Variants in MSTO1 observed in about 807,000 individuals in gnomAD.
MSTO1 encodes misato mitochondrial distribution and morphology regulator 1.
In MSTO1, 24 loss-of-function variants were observed where a neutral mutation model predicts 55.7. The observed-to-expected ratio is 0.43, with a 90% CI of 0.31 to 0.61. The LOEUF (loss-of-function observed/expected upper bound fraction) is 0.61, where lower values mean the gene tolerates loss of function less well. MSTO1 is among the 20% of genes least tolerant of loss of function. The pLI is 0.09. For synonymous variants in MSTO1, 162 were observed against 252.8 expected (o/e 0.64, Z 3.41); for missense variants, 363 against 625.7 (o/e 0.58, Z 4.48).
upstream of MSTO1, among the ~76,000 whole-genome samples, chr1:155,606,367 A>AAC (rs1016643320): frequency 2.7e-5 from 4 of 146,340 alleles, no homozygotes; most frequent in Admixed American, 6.9e-5. Flanking sequence ...GCCAAGATAC[A>AAC]ACTTTTTTTT....
At chr1:155,609,909 G>C (rs565175752), upstream of MSTO1, 4 of 328,956 alleles carry the variant, frequency 1.2e-5, no homozygotes, top group African/African-American at 4.4e-5. Context: ...GAAGGGATAA[G>C]ACCTCAAGAC....
At chr1:155,590,904 G>C in the MSTO1 span, 2 of 1,612,928 alleles carry the variant, frequency 1.2e-6, no homozygotes, top group African/African-American at 2.7e-5. Context: ...CAATCCCAGA[G>C]GTGAGCACCA....
At chr1:155,581,773 T>C in the MSTO1 span, among the ~76,000 whole-genome samples, 1,065 of 151,834 alleles carry the variant, frequency 7.0e-3, 3 homozygotes, top group Admixed American at 9.0e-3. Flanking sequence ...GAGATAATTA[T>C]CATTCATCTT....
the MSTO1 span, among the ~76,000 whole-genome samples, chr1:155,564,893 G>A: frequency 2.4e-4 from 36 of 152,214 alleles, no homozygotes; most frequent in African/African-American, 8.4e-4. Flanking sequence ...AGGCCAAGGC[G>A]CATGGATCAC....
At chr1:155,593,028 C>G in the MSTO1 span, among the ~76,000 whole-genome samples, 14 of 152,146 alleles carry the variant, frequency 9.2e-5, no homozygotes, top group Non-Finnish European at 1.5e-4. Flanking sequence ...TCTTCTGCCT[C>G]AGGCTCCCCA....
At chr1:155,611,409 A>G (rs1205035024) in intron 4 of MSTO1, 118 bp downstream of exon 4, 1 of 1,597,296 alleles carries the variant, frequency 6.3e-7, no homozygotes, top group Non-Finnish European at 8.5e-7. Context: ...TTTGGGAAAA[A>G]GCACTCCTTT....
the MSTO1 span, among the ~76,000 whole-genome samples, chr1:155,596,740 T>A: frequency 3.9e-5 from 6 of 152,076 alleles, no homozygotes; most frequent in Non-Finnish European, 7.4e-5. Context: ...TCAGCTGAGA[T>A]TGGGCCACTG....
chr1:155,586,310 T>C, the MSTO1 span, among the ~76,000 whole-genome samples: 1 of 151,808 alleles, frequency 6.6e-6, no homozygotes, highest in Admixed American at 6.6e-5. Flanking sequence ...CCCTAAGTGC[T>C]GGGATTACAG....
At chr1:155,605,018 T>C in the MSTO1 span, among the ~76,000 whole-genome samples, 3 of 152,182 alleles carry the variant, frequency 2.0e-5, no homozygotes, top group African/African-American at 7.2e-5. Context: ...CCCAGCACTT[T>C]GGGAGGCTGA....
chr1:155,577,597 C>T, the MSTO1 span, among the ~76,000 whole-genome samples: 302 of 152,244 alleles, frequency 2.0e-3, 1 homozygote, highest in Non-Finnish European at 3.6e-3. Context: ...ATGATGTAAG[C>T]GTATGCCAGT....
rs187308919 is a variant in MSTO1, at chr1:155,614,855, G to T, written c.*582G>T. 5 of 1,579,218 alleles carry T rather than the reference G, an allele frequency of 3.2e-6. No individual in the cohort carries two copies. Among genetic ancestry groups the T allele is most frequent in the Non-Finnish European group, 4.3e-6 (5 of 1,161,696 alleles). On this transcript the variant is annotated 3_prime_UTR_variant, in exon 14 of 14. Transcript: ENST00000245564. ...GTGTGGAAGAGCTGCATGAGTTCTC[G>T]AAAATGGTGGGAAACCTAAGAAAGG...
chr1:155,590,552 C>A, the MSTO1 span: 1 of 937,468 alleles, frequency 1.1e-6, no homozygotes, highest in East Asian at 2.4e-5. Flanking sequence ...TTGGGCACTG[C>A]CACTTCTGGA....
rs1479405409 is a variant in MSTO1, at chr1:155,613,755, C to T, written c.1487C>T (p.Pro496Leu). ...SPPGMVLDGS[P>L]KGAAVESIPV... ...CCGGGTATGGTTCTGGATGGTTCCC[C>T]CAAGGGAGCAGGTATGTAGGAGGTG... is the stretch of plus-strand genomic sequence containing the variant. Residue 496 changes from proline to leucine, a missense_variant, in exon 13 of 14, where the codon CCC becomes CTC. Pro to Leu is a moderately conservative substitution (Grantham distance 98). Coordinates refer to ENST00000245564, the MANE Select transcript of MSTO1 (RefSeq NM_018116.4). 48 of 1,611,812 alleles carry T rather than the reference C, an allele frequency of 3.0e-5. No individual in the cohort carries two copies. The highest frequency in any genetic ancestry group is 3.7e-5 in the Non-Finnish European group (44 of 1,178,818).
chr1:155,612,204 T>C lies in MSTO1; in HGVS notation c.701T>C (p.Leu234Pro), dbSNP rs1277146235. 1 of 1,613,268 alleles carries C rather than the reference T, an allele frequency of 6.2e-7. No homozygotes were observed. The highest frequency in any genetic ancestry group is 1.7e-5 in the Admixed American group (1 of 59,928). The part of the protein sequence containing the change: ...YLQGFQILCD[L>P]HDGFSGVGAK... Reference sequence around the variant, plus strand: ...CAGGGCTTCCAGATCCTGTGTGACCTGCACGATGGCTTCTCTGGGGTAGGC... The same window carrying C: ...CAGGGCTTCCAGATCCTGTGTGACCCGCACGATGGCTTCTCTGGGGTAGGC... Residue 234 changes from leucine (L) to proline (P), a missense_variant, in exon 8 of 14, where the codon CTG becomes CCG. Physicochemically the swap from Leu to Pro is moderately conservative, Grantham distance 98. Around this residue, in one of 3 missense-constraint regions of MSTO1, gnomAD observed 231 missense variants for 286.9 expected, o/e 0.81. Transcript: ENST00000245564.
the MSTO1 span, among the ~76,000 whole-genome samples, chr1:155,591,993 AC>A: frequency 6.6e-6 from 1 of 152,020 alleles, no homozygotes; most frequent in African/African-American, 2.4e-5. Context: ...AAATAGCACC[AC>A]CTTGTGGCCC....
At chr1:155,610,390 T>G in intron 1 of MSTO1, 35 bp from the exon 2 acceptor site, 1 of 812,356 alleles carries the variant, frequency 1.2e-6, no homozygotes. Flanking sequence ...GTCCCGACGT[T>G]CAGCCGGCCT....
the MSTO1 span, among the ~76,000 whole-genome samples, chr1:155,573,437 C>T: frequency 9.9e-5 from 15 of 151,980 alleles, no homozygotes; most frequent in South Asian, 2.1e-4. Flanking sequence ...TGGTGGCACA[C>T]GCCTGTAATG....
intron 4 of MSTO1, 63 bp downstream of exon 4, chr1:155,611,354 A>T: frequency 6.2e-7 from 1 of 1,613,680 alleles, no homozygotes; most frequent in Non-Finnish European, 8.5e-7. Flanking sequence ...CCATAGGGGC[A>T]GGTAAACGGG....
intron 9 of MSTO1, 49 bp from the exon 10 acceptor site, chr1:155,612,795 T>C (rs1158164579): frequency 6.2e-7 from 1 of 1,608,516 alleles, no homozygotes; most frequent in South Asian, 1.1e-5. Context: ...CCTCCACACA[T>C]TCTTTTCCAG....
Sources: allele counts gnomAD v4.1 joint callset (sites outside exome capture counted in the v4.1 genomes callset), GRCh38; gene constraint gnomAD v4.1.1; regional missense constraint gnomAD v4.1.1; transcripts MANE v1.5; gene names NCBI Gene and HGNC (gene_info 2026-07-23, HGNC 2026-07-21).